The following NFATC2 variants were observed in gnomAD, a reference collection of about 807,000 sequenced individuals.
NFATC2 encodes the protein nuclear factor of activated T cells 2, also known as nuclear factor of activated T-cells, cytoplasmic 2.
NFATC2 carries 22 observed loss-of-function variants against 87.3 expected under a neutral mutation model. That is an observed-to-expected ratio of 0.25 (90% CI 0.18 to 0.36). NFATC2 has a LOEUF of 0.36. Ranked by LOEUF, NFATC2 falls within the 10% of genes least tolerant of loss-of-function variation. The pLI, the probability that NFATC2 is intolerant of heterozygous loss-of-function variation, is 1.00. For synonymous variants in NFATC2, 565 were observed against 542.2 expected (o/e 1.04, Z -0.58); for missense variants, 1,149 against 1,259.1 (o/e 0.91, Z 1.32).
chr20:51,418,659 G>GTTT (rs752511466), intron 9 of NFATC2, among the ~76,000 whole-genome samples: 67 of 125,082 alleles, frequency 5.4e-4, no homozygotes, highest in East Asian at 2.3e-3. Context: ...TGTTTGTTTG[G>GTTT]TTTTTTTTTT....
At chr20:51,488,498 G>A (rs776049073) in intron 3 of NFATC2, among the ~76,000 whole-genome samples, 1 of 151,882 alleles carries the variant, frequency 6.6e-6, no homozygotes, top group Non-Finnish European at 1.5e-5. Flanking sequence ...CAACTGTGAT[G>A]CACAAAAAAG....
rs1348411349 is a variant in NFATC2 at position 51,562,534 on chromosome 20, G to C, written c.70+26C>G. The C allele has an allele frequency of 1.3e-6, 2 of 1,542,818 alleles. No homozygotes were observed. Among genetic ancestry groups the C allele is most frequent in the African/African-American group, 1.4e-5 (1 of 72,902 alleles). ...GGGCCGGGAGGAGCGAGCGGAAAAG[G>C]CTGGAAGGGATCGAGAGTCAGTTAC... On this transcript the variant is annotated intron_variant, in intron 1 of 10. Coordinates refer to the NFATC2 transcript ENST00000414705. The surrounding 1 kb of genome is among the most constrained non-coding windows in gnomAD (Gnocchi z 5.8).
intron 10 of NFATC2, among the ~76,000 whole-genome samples, chr20:51,392,712 T>G (rs1456545050): frequency 6.6e-6 from 1 of 152,174 alleles, no homozygotes; most frequent in Non-Finnish European, 1.5e-5. Context: ...TCCTCATACT[T>G]CCTTTTCTCA....
intron 5 of NFATC2, among the ~76,000 whole-genome samples, chr20:51,465,236 A>G (rs1237147444): frequency 6.6e-6 from 1 of 152,126 alleles, no homozygotes; most frequent in Non-Finnish European, 1.5e-5. Context: ...AAAAATAAAA[A>G]AATTAGCCAG....
chr20:51,498,388 A>G (rs2076024398), intron 3 of NFATC2, among the ~76,000 whole-genome samples: 4 of 152,226 alleles, frequency 2.6e-5, no homozygotes. Context: ...GGATGAAGCA[A>G]CGATGAAGGA....
chr20:51,393,667 T>C, intron 10 of NFATC2, among the ~76,000 whole-genome samples: 1 of 152,162 alleles, frequency 6.6e-6, no homozygotes, highest in East Asian at 1.9e-4. Flanking sequence ...GTAGGACTTA[T>C]GTAGCGAAAG....
Position 51,435,776 on chromosome 20 carries a change from A to G in NFATC2, c.1850-15T>C, listed in dbSNP as rs1351120703. 2 of 1,589,716 alleles carry G rather than the reference A, an allele frequency of 1.3e-6. No individual in the cohort carries two copies. The highest frequency in any genetic ancestry group is 2.3e-5 in the South Asian group (2 of 87,418). On this transcript the variant is annotated splice_polypyrimidine_tract_variant and intron_variant, in intron 6 of 10. Coordinates refer to ENST00000371564, the MANE Select transcript of NFATC2 (RefSeq NM_012340.5). ...TTGCTGTCCATCTAGAAAAATTCAA[A>G]AATGACAGACTTTGAAGGAACTATT...
At chr20:51,499,662 G>A (rs1402344582) in intron 3 of NFATC2, among the ~76,000 whole-genome samples, 2 of 151,586 alleles carry the variant, frequency 1.3e-5, no homozygotes, top group East Asian at 3.9e-4. Flanking sequence ...AGAATCGCTT[G>A]AATCCGGAGG....
intron 9 of NFATC2, among the ~76,000 whole-genome samples, chr20:51,421,914 T>C (rs977457667): frequency 2.6e-5 from 4 of 152,116 alleles, no homozygotes; most frequent in Admixed American, 2.0e-4. Context: ...TTGGGTCAAT[T>C]CTTTTTTGGG....
chr20:51,526,288 T>G (rs1338933257), intron 1 of NFATC2, among the ~76,000 whole-genome samples: 3 of 152,114 alleles, frequency 2.0e-5, no homozygotes. Context: ...TAAATAGTTT[T>G]ATGACAACAC....
rs532209420 is a variant in NFATC2 at position 51,389,168 on chromosome 20, C to G, written c.*2328G>C. The G allele has an allele frequency of 2.0e-5, 3 of 152,266 alleles. No individual in the cohort carries two copies. The East Asian group carries it at 5.8e-4, about 29-fold the overall frequency. The allele number at this position is 152,266 out of a possible 1,614,324, so 9.4% of individuals were successfully genotyped here. A position where few individuals can be genotyped will look rare whatever the true frequency, so the allele number is the denominator to read the frequency against. On this transcript the variant is annotated 3_prime_UTR_variant, in exon 11 of 11. Coordinates refer to ENST00000371564, the MANE Select transcript of NFATC2 (RefSeq NM_012340.5). ...TTTGTGTGTGTATTACACACACACA[C>G]GCGTACAGGAGGTTGAGCTACCAGG...
chr20:51,439,607 G>C (rs1300204788), intron 6 of NFATC2, among the ~76,000 whole-genome samples: 1 of 152,184 alleles, frequency 6.6e-6, no homozygotes, highest in Non-Finnish European at 1.5e-5. Flanking sequence ...GACGCCCATG[G>C]GGGGCAGGGG....
At chr20:51,402,063 G>A (rs759866973) in intron 9 of NFATC2, among the ~76,000 whole-genome samples, 5 of 152,204 alleles carry the variant, frequency 3.3e-5, no homozygotes, top group Non-Finnish European at 7.3e-5. Context: ...TTTCTACAAT[G>A]CAAGTCAGAT....
At chr20:51,399,813 A>G (rs1051876175) in intron 9 of NFATC2, among the ~76,000 whole-genome samples, 4 of 152,252 alleles carry the variant, frequency 2.6e-5, no homozygotes, top group African/African-American at 9.6e-5. Context: ...TTCCAAGTCC[A>G]AGAGCAGACA....
Position 51,435,328 on chromosome 20 carries a change from G to C in NFATC2, c.1906-14C>G. ...AAAAAGCATGTTCTATAAGGAAGGAGTTGTCATGAACTTAACTGCAATCAT... is the reference window on the plus strand; with the variant it reads ...AAAAAGCATGTTCTATAAGGAAGGACTTGTCATGAACTTAACTGCAATCAT... On this transcript the variant is annotated splice_polypyrimidine_tract_variant and intron_variant, in intron 7 of 10. Coordinates refer to ENST00000371564, the MANE Select transcript of NFATC2 (RefSeq NM_012340.5). 1 of 1,614,110 alleles carries C rather than the reference G, an allele frequency of 6.2e-7. No homozygotes were observed.
chr20:51,498,341 G>A (rs1217235178), intron 3 of NFATC2, among the ~76,000 whole-genome samples: 1 of 152,192 alleles, frequency 6.6e-6, no homozygotes, highest in African/African-American at 2.4e-5. Flanking sequence ...GATAGATGAA[G>A]TACCTACTAT....
chr20:51,534,654 C>T (rs2076690264), intron 1 of NFATC2, among the ~76,000 whole-genome samples: 1 of 152,182 alleles, frequency 6.6e-6, no homozygotes, highest in South Asian at 2.1e-4. Flanking sequence ...TTAAAATATG[C>T]ATCACTTACA....
chr20:51,468,226 CT>C (rs1225376427), intron 5 of NFATC2, among the ~76,000 whole-genome samples: 1 of 152,300 alleles, frequency 6.6e-6, no homozygotes, highest in East Asian at 1.9e-4. Flanking sequence ...AGTGCTCTGT[CT>C]TGAGTGGTGG....
At chr20:51,470,663 T>C (rs1003588621) in intron 5 of NFATC2, among the ~76,000 whole-genome samples, 1 of 152,190 alleles carries the variant, frequency 6.6e-6, no homozygotes. Context: ...CAGTATACAC[T>C]GTCTAAGGGT....
Sources: gnomAD v4.1 joint callset for allele counts (sites outside exome capture counted in the v4.1 genomes callset) on GRCh38, gnomAD v4.1.1 for gene constraint, Gnocchi (gnomAD v3.1) non-coding constraint, MANE v1.5 for transcripts, NCBI Gene and HGNC (gene_info 2026-07-23, HGNC 2026-07-21) for gene names.